Variants in DHRS13 observed in about 807,000 individuals in gnomAD.
The protein encoded by DHRS13 is dehydrogenase/reductase SDR family member 13.
In DHRS13, 22 loss-of-function variants were observed where a neutral mutation model predicts 17.9. The observed-to-expected ratio is 1.23, with a 90% CI of 0.88 to 1.75. The LOEUF (loss-of-function observed/expected upper bound fraction) is 1.75, where lower values mean the gene tolerates loss of function less well. Among genes scored for constraint, DHRS13 ranks in the 40% most tolerant of loss-of-function variants. The probability of loss-of-function intolerance (pLI) is 0.00; values close to 1 mark genes in which losing one functional copy is unlikely to be tolerated. For missense variants in DHRS13, 483 were observed against 519.9 expected (o/e 0.93, Z 0.69); for synonymous variants, 206 against 220.4 (o/e 0.93, Z 0.58).
At position 28,899,136 on chromosome 17, in the gene DHRS13, G is replaced by C; in HGVS notation, c.683-244C>G. 1 of 431,450 alleles carries C rather than the reference G, an allele frequency of 2.3e-6. No individual in the cohort carries two copies. The highest frequency in any genetic ancestry group is 4.1e-6 in the Non-Finnish European group (1 of 245,030). 26.7% of individuals were successfully genotyped at this position (431,450 alleles called of 1,614,324 possible). On this transcript the variant is annotated intron_variant, in intron 4 of 4. Transcript: ENST00000378895. This position sits in a 1 kb window ranked among gnomAD's most constrained non-coding sequence, Gnocchi z 4.7. The stretch of plus-strand genomic sequence containing the variant: ...CCAGGATAGTATTTACCAGGCATTC[G>C]GGGCTTCTGCGAGGTGACTTCACTC...
At position 28,902,759 on chromosome 17, in the gene DHRS13, C is replaced by T; in HGVS notation, c.128-58G>A. ...GAGCCCGGCGGGCCGCTGCTACCGC[C>T]GGCCCGGCCTCCTCTCCGCGCGCCC... On this transcript the variant is annotated intron_variant, in intron 1 of 4. Coordinates refer to ENST00000378895, the MANE Select transcript of DHRS13 (RefSeq NM_144683.4). The surrounding 1 kb of genome is among the most constrained non-coding windows in gnomAD (Gnocchi z 4.0). 1 of 1,401,516 alleles carries T rather than the reference C, an allele frequency of 7.1e-7. No individual in the cohort carries two copies. Among genetic ancestry groups the T allele is most frequent in the Admixed American group, 3.4e-5 (1 of 29,120 alleles). The allele number at this position is 1,401,516 out of a possible 1,614,324, so 86.8% of individuals were successfully genotyped here.
chr17:28,900,848 T>C (rs2039799204), intron 4 of DHRS13, 142 bp downstream of exon 4: 2 of 954,764 alleles, frequency 2.1e-6, no homozygotes, highest in Non-Finnish European at 3.1e-6. Flanking sequence ...AACAGGTCTC[T>C]CCTTGGACTA....
chr17:28,902,183 C>CAA lies in DHRS13; in HGVS notation c.246+399_246+400insTT, dbSNP rs1219541877. 9 of 171,704 alleles carry CAA rather than the reference C, an allele frequency of 5.2e-5. No individual in the cohort carries two copies. Among genetic ancestry groups the CAA allele is most frequent in the African/African-American group, 1.7e-4 (7 of 41,928 alleles). The allele number at this position is 171,704 out of a possible 1,614,324, so 10.6% of individuals were successfully genotyped here. A position where few individuals can be genotyped will look rare whatever the true frequency, so the allele number is the denominator to read the frequency against. ...GCTTCTCAATAGGCTCTAGAATGTT[C>CAA]TCCAGCCCCCTCATTTGCCCATCTT... On this transcript the variant is annotated intron_variant, in intron 2 of 4. Transcript: ENST00000378895. The surrounding 1 kb of genome is among the most constrained non-coding windows in gnomAD (Gnocchi z 4.0).
At position 28,899,157 on chromosome 17, in the gene DHRS13, C is replaced by T. The variant is rs2039787815; in HGVS notation, c.683-265G>A. The T allele has an allele frequency of 2.6e-6, 1 of 383,804 alleles. No individual in the cohort carries two copies. The highest frequency in any genetic ancestry group is 2.1e-5 in the African/African-American group (1 of 46,878). The allele number at this position is 383,804 out of a possible 1,614,324, so 23.8% of individuals were successfully genotyped here. On this transcript the variant is annotated intron_variant, in intron 4 of 4. Coordinates refer to ENST00000378895, the MANE Select transcript of DHRS13 (RefSeq NM_144683.4). The surrounding 1 kb of genome is among the most constrained non-coding windows in gnomAD (Gnocchi z 4.7). ...ATTCGGGGCTTCTGCGAGGTGACTT[C>T]ACTCATTTCCTGCATGAAGCCTCTT...
Position 28,901,596 on chromosome 17 carries a change from G to A in DHRS13, c.267C>T (p.Val89=), listed in dbSNP as rs764552879. ...TGGCCAAGTCCAAGGCCATGAAGAT[G>A]ACCTCATTGTTCCCACTCTCCTGTG... ...DLRQESGNNE[V]IFMALDLASL... Residue 89 remains valine (V), a synonymous_variant, in exon 3 of 5, where the codon GTC becomes GTT. Transcript: ENST00000378895. The surrounding 1 kb of genome is among the most constrained non-coding windows in gnomAD (Gnocchi z 4.3). The A allele has an allele frequency of 3.1e-6, 5 of 1,614,234 alleles. No homozygotes were observed. The Admixed American group carries it at 6.7e-5, about 22-fold the overall frequency.
At position 28,902,853 on chromosome 17, in the gene DHRS13, A is replaced by T. The variant is rs1017745426; in HGVS notation, c.92T>A (p.Met31Lys). ...GGCCGTGCGGCCCCGCAGGTTGCCC[A>T]TGCCGCCGCACGGCGGGGCCTTCAC... ...NLVKAPPCGG[M>K]GNLRGRTAVV... Residue 31 changes from methionine to lysine, a missense_variant, in exon 1 of 5, where the codon ATG becomes AAG. By Grantham distance (95) the Met-to-Lys change is moderately conservative. Transcript: ENST00000378895. This position sits in a 1 kb window ranked among gnomAD's most constrained non-coding sequence, Gnocchi z 4.0. 53 of 1,550,254 alleles carry T rather than the reference A, an allele frequency of 3.4e-5. No homozygotes were observed. The highest frequency in any genetic ancestry group is 4.5e-5 in the Non-Finnish European group (52 of 1,156,680).
chr17:28,901,101 G>A lies in DHRS13; in HGVS notation c.571C>T (p.Arg191Trp), dbSNP rs1001747134. Residue 191 changes from arginine (R) to tryptophan (W), a missense_variant, in exon 4 of 5, where the codon CGG (arginine) becomes TGG (tryptophan). Arg to Trp is a moderately radical substitution (Grantham distance 101, BLOSUM62 -3). Coordinates refer to ENST00000378895, the MANE Select transcript of DHRS13 (RefSeq NM_144683.4). This position sits in a 1 kb window ranked among gnomAD's most constrained non-coding sequence, Gnocchi z 4.3. ...TCAGCATATGCCCGCAGCTCCTGCC[G>A]CCAGCCCACCACTGGGCGGTCCAGG... ...KRLDRPVVGW[R>W]QELRAYADTK... The A allele has an allele frequency of 5.0e-6, 8 of 1,614,158 alleles. No individual in the cohort carries two copies. Among genetic ancestry groups the A allele is most frequent in the Non-Finnish European group, 6.8e-6 (8 of 1,180,026 alleles).
chr17:28,902,578 C>G lies in DHRS13; in HGVS notation c.246+5G>C. 1 of 1,480,108 alleles carries G rather than the reference C, an allele frequency of 6.8e-7. No homozygotes were observed. The highest frequency in any genetic ancestry group is 8.9e-7 in the Non-Finnish European group (1 of 1,124,382). The allele number at this position is 1,480,108 out of a possible 1,614,324, so 91.7% of individuals were successfully genotyped here. A position where few individuals can be genotyped will look rare whatever the true frequency, so the allele number is the denominator to read the frequency against. ...ACCGTCCCACGCGCCCCCGCTGCCTCTCACCTGGCGGAGGTCGAAGGCAGC... is the reference window on the plus strand; with the variant it reads ...ACCGTCCCACGCGCCCCCGCTGCCTGTCACCTGGCGGAGGTCGAAGGCAGC... On this transcript the variant is annotated splice_donor_5th_base_variant and intron_variant, in intron 2 of 4. Coordinates refer to ENST00000378895, the MANE Select transcript of DHRS13 (RefSeq NM_144683.4). The surrounding 1 kb of genome is among the most constrained non-coding windows in gnomAD (Gnocchi z 4.0).
Position 28,901,660 on chromosome 17 carries a change from C to A in DHRS13, c.247-44G>T. On this transcript the variant is annotated intron_variant, in intron 2 of 4. Transcript: ENST00000378895. This position sits in a 1 kb window ranked among gnomAD's most constrained non-coding sequence, Gnocchi z 4.3. ...TGGGCTTGTCACCAGGCATCTCTCT[C>A]CTCTTCCCTCTCCCCAGGCACCAAA... The A allele has an allele frequency of 1.2e-6, 2 of 1,606,966 alleles. No individual in the cohort carries two copies. Among genetic ancestry groups the A allele is most frequent in the Non-Finnish European group, 8.5e-7 (1 of 1,174,980 alleles).
At chr17:28,900,370 C>T (rs1251108793) in intron 4 of DHRS13, among the ~76,000 whole-genome samples, 2 of 152,212 alleles carry the variant, frequency 1.3e-5, no homozygotes, top group Non-Finnish European at 2.9e-5. Flanking sequence ...TTTTTCTGGG[C>T]ATCTCCCCAG....
Position 28,899,007 on chromosome 17 carries a change from G to T in DHRS13, c.683-115C>A. The T allele has an allele frequency of 1.0e-6, 1 of 955,400 alleles. No homozygotes were observed. The highest frequency in any genetic ancestry group is 1.5e-6 in the Non-Finnish European group (1 of 664,306). 59.2% of individuals were successfully genotyped at this position (955,400 alleles called of 1,614,324 possible). ...ACTTGAGCCCAGGAGTTTGAGACCA[G>T]ACTGGGCAACATAGTCAAGCTCTGT... is the stretch of plus-strand genomic sequence containing the variant. On this transcript the variant is annotated intron_variant, in intron 4 of 4. Transcript: ENST00000378895. This position sits in a 1 kb window ranked among gnomAD's most constrained non-coding sequence, Gnocchi z 4.7.
chr17:28,898,363 T>G lies in DHRS13; in HGVS notation c.*78A>C. On this transcript the variant is annotated 3_prime_UTR_variant, in exon 5 of 5. Transcript: ENST00000378895. ...GAGGTCAAGATCACAAACCCGTCAGTGTCCAGGGCATGGCCTCGCACACAT... is the reference window on the plus strand; with the variant it reads ...GAGGTCAAGATCACAAACCCGTCAGGGTCCAGGGCATGGCCTCGCACACAT... 6.8e-7 allele frequency: 1 copy of G among 1,475,936 alleles called. No individual in the cohort carries two copies. The highest frequency in any genetic ancestry group is 9.1e-7 in the Non-Finnish European group (1 of 1,102,516). The allele number at this position is 1,475,936 out of a possible 1,614,324, so 91.4% of individuals were successfully genotyped here. A position where few individuals can be genotyped will look rare whatever the true frequency, so the allele number is the denominator to read the frequency against.
chr17:28,902,799 C>T lies in DHRS13; in HGVS notation c.127+19G>A, dbSNP rs943141781. 11 of 1,511,254 alleles carry T rather than the reference C, an allele frequency of 7.3e-6. No homozygotes were observed. In the African/African-American group the frequency reaches 8.7e-5, roughly 12 times the overall value. The allele number at this position is 1,511,254 out of a possible 1,614,324, so 93.6% of individuals were successfully genotyped here. ...TCCGCGCGCCCCGCCAGCTCGCACT[C>T]ACCCGCCTCCGCACTCACCCGTGAC... On this transcript the variant is annotated intron_variant, in intron 1 of 4. Transcript: ENST00000378895. This position sits in a 1 kb window ranked among gnomAD's most constrained non-coding sequence, Gnocchi z 4.0.
In DHRS13 at chr17:28,898,744, G is replaced by A; in HGVS notation, c.831C>T (p.Leu277=). 1 of 1,613,948 alleles carries A rather than the reference G, an allele frequency of 6.2e-7. No individual in the cohort carries two copies. Among genetic ancestry groups the A allele is most frequent in the East Asian group, 2.2e-5 (1 of 44,874 alleles). ...YCALQEGIEP[L]SGRYFANCHV... is the part of the protein sequence containing the mutation. Reference sequence around the variant, plus strand: ...GGCAGTTGGCAAAATATCTCCCACTGAGGGGCTCGATGCCCTCTTGTAGAG... The same window carrying A: ...GGCAGTTGGCAAAATATCTCCCACTAAGGGGCTCGATGCCCTCTTGTAGAG... Residue 277 remains leucine (L), a synonymous_variant, in exon 5 of 5, where the codon CTC becomes CTT. Transcript: ENST00000378895.
At position 28,899,904 on chromosome 17, in the gene DHRS13, CTTTT is replaced by C. The variant is rs1053784138; in HGVS notation, c.683-1016_683-1013del. Among the ~76,000 whole-genome samples the C allele has an allele frequency of 5.8e-4, 86 of 148,328 alleles. No homozygotes were observed. The highest frequency in any genetic ancestry group is 1.9e-3 in the African/African-American group (76 of 40,304). On this transcript the variant is annotated intron_variant, in intron 4 of 4. Coordinates refer to ENST00000378895, the MANE Select transcript of DHRS13 (RefSeq NM_144683.4). The surrounding 1 kb of genome is among the most constrained non-coding windows in gnomAD (Gnocchi z 4.7). ...TGTATTTGTAGTAGAGACAGGTTTTCTTTTTTTTTTCTTTTTTCTTTTTTTTTGA... is the reference window on the plus strand; with the variant it reads ...TGTATTTGTAGTAGAGACAGGTTTTCTTTTTTCTTTTTTCTTTTTTTTTGA...
In DHRS13 at chr17:28,899,791, G is replaced by A. The variant is rs965629902; in HGVS notation, c.683-899C>T. On this transcript the variant is annotated intron_variant, in intron 4 of 4. Transcript: ENST00000378895. The surrounding 1 kb of genome is among the most constrained non-coding windows in gnomAD (Gnocchi z 4.7). ...GGCGAGATCTCAGCTTACTGGCAAC[G>A]TCCACCTCTAGGTTCAGGCGATTCT... is the stretch of plus-strand genomic sequence containing the variant. Among the ~76,000 whole-genome samples the A allele has an allele frequency of 2.6e-5, 4 of 152,008 alleles. No individual in the cohort carries two copies. The highest frequency in any genetic ancestry group is 2.1e-4 in the South Asian group (1 of 4,818).
rs2039776693 is a variant in DHRS13 at position 28,898,333 on chromosome 17, C to A, written c.*108G>T. On this transcript the variant is annotated 3_prime_UTR_variant, in exon 5 of 5. Coordinates refer to ENST00000378895, the MANE Select transcript of DHRS13 (RefSeq NM_144683.4). Reference sequence around the variant, plus strand: ...CACAGCTTGGGGCCCCAGAAAGTAACCACGGAGGTCAAGATCACAAACCCG... The same window carrying A: ...CACAGCTTGGGGCCCCAGAAAGTAAACACGGAGGTCAAGATCACAAACCCG... 18 of 1,324,360 alleles carry A rather than the reference C, an allele frequency of 1.4e-5. No homozygotes were observed. In the South Asian group the frequency reaches 2.4e-4, roughly 18 times the overall value. 82.0% of individuals were successfully genotyped at this position (1,324,360 alleles called of 1,614,324 possible).
chr17:28,901,735 A>T lies in DHRS13; in HGVS notation c.247-119T>A. 6.8e-7 allele frequency: 1 copy of T among 1,473,660 alleles called. No homozygotes were observed. 91.3% of individuals were successfully genotyped at this position (1,473,660 alleles called of 1,614,324 possible). A position where few individuals can be genotyped will look rare whatever the true frequency, so the allele number is the denominator to read the frequency against. On this transcript the variant is annotated intron_variant, in intron 2 of 4. Transcript: ENST00000378895. The surrounding 1 kb of genome is among the most constrained non-coding windows in gnomAD (Gnocchi z 4.3). ...TTACTAAAATCTGCCCCTGTGTCTT[A>T]GAGTGTACTAGATAAGTGTGTGGAT...
In DHRS13 at chr17:28,898,780, G is replaced by C; in HGVS notation, c.795C>G (p.Pro265=). The part of the protein sequence containing the change: ...LRAPRGGAQT[P]LYCALQEGIE... ...TGCCCTCTTGTAGAGCACAATACAG[G>C]GGTGTCTGGGCACCCCCTCTTGGTG... is the stretch of plus-strand genomic sequence containing the variant. Residue 265 remains proline (P), a synonymous_variant, in exon 5 of 5, where the codon CCC becomes CCG. Transcript: ENST00000378895. 1 of 1,612,822 alleles carries C rather than the reference G, an allele frequency of 6.2e-7. No homozygotes were observed. The highest frequency in any genetic ancestry group is 1.1e-5 in the South Asian group (1 of 90,814).
Sources: gnomAD v4.1 joint callset for allele counts (sites outside exome capture counted in the v4.1 genomes callset) on GRCh38, gnomAD v4.1.1 for gene constraint, Gnocchi (gnomAD v3.1) non-coding constraint, MANE v1.5 for transcripts, NCBI Gene and HGNC (gene_info 2026-07-23, HGNC 2026-07-21) for gene names.